Variants in MFAP3 observed in about 807,000 individuals in gnomAD.
MFAP3 encodes the protein microfibril associated protein 3, also known as microfibril-associated glycoprotein 3.
In MFAP3, 8 loss-of-function variants were observed where a neutral mutation model predicts 20.5. That is an observed-to-expected ratio of 0.39 (90% CI 0.23 to 0.70). The LOEUF (loss-of-function observed/expected upper bound fraction) is 0.70, where lower values mean the gene tolerates loss of function less well. Among genes scored for constraint, MFAP3 ranks in the 30% least tolerant of loss-of-function variants. The pLI, the probability that MFAP3 is intolerant of heterozygous loss-of-function variation, is 0.44. For synonymous variants in MFAP3, 140 were observed against 154.0 expected, an observed-to-expected ratio of 0.91 and a Z score of 0.67; for missense variants, 398 against 444.6, an observed-to-expected ratio of 0.90 and a Z score of 0.94.
chr5:154,049,889 C>T lies in MFAP3; in HGVS notation c.167C>T (p.Ser56Leu), dbSNP rs369113358. 2.1e-5 allele frequency: 34 copies of T among 1,613,654 alleles called. 1 individual carries two copies. In the Admixed American group the frequency reaches 4.7e-4, roughly 22 times the overall value. ...SSFELSASSH[S>L]DDDVIIAKEG... The stretch of plus-strand genomic sequence containing the variant: ...TTTGAACTCTCAGCAAGTTCCCACT[C>T]GGATGATGATGTCATCATAGCCAAA... Residue 56 changes from serine to leucine, a missense_variant, in exon 2 of 3, where the codon TCG (serine) becomes TTG (leucine). Coordinates refer to ENST00000522782, the MANE Select transcript of MFAP3 (RefSeq NM_005927.5).
chr5:154,042,946 C>T (rs56261598), intron 1 of MFAP3, among the ~76,000 whole-genome samples: 5,629 of 152,188 alleles, frequency 0.037, 270 homozygotes, highest in African/African-American at 0.1. Context: ...GTCACCAGAA[C>T]GGAAATCAGC....
chr5:154,040,946 C>T (rs1432118228), intron 1 of MFAP3, among the ~76,000 whole-genome samples: 3 of 152,098 alleles, frequency 2.0e-5, no homozygotes, highest in African/African-American at 4.8e-5. Flanking sequence ...ACTACCAAGT[C>T]GATGAGTGTC....
chr5:154,042,538 CACTA>C (rs997221807), intron 1 of MFAP3, among the ~76,000 whole-genome samples: 37 of 152,266 alleles, frequency 2.4e-4, no homozygotes, highest in African/African-American at 8.7e-4. Context: ...GTTTGAATGT[CACTA>C]ACCTTTTTTA....
intron 2 of MFAP3, 43 bp downstream of exon 2, chr5:154,050,060 G>C: frequency 6.5e-7 from 1 of 1,533,140 alleles, no homozygotes; most frequent in Non-Finnish European, 8.8e-7. Context: ...CTCATTTCCT[G>C]TTCTGTCTTC....
In MFAP3 at chr5:154,053,571, T is replaced by C; in HGVS notation, c.947T>C (p.Val316Ala). Reference sequence around the variant, plus strand: ...CAAGGCCAGGAAATAGCAGTTCAGGTTTCTGTCCACCTTCAGTCAGAAACC... The same window carrying C: ...CAAGGCCAGGAAATAGCAGTTCAGGCTTCTGTCCACCTTCAGTCAGAAACC... ...NEQGQEIAVQ[V>A]SVHLQSETKS... The change falls in exon 3 of 3, where the codon GTT becomes GCT. Residue 316 changes from valine to alanine, a missense_variant. By Grantham distance (64) the Val-to-Ala change is moderately conservative. Coordinates refer to ENST00000522782, the MANE Select transcript of MFAP3 (RefSeq NM_005927.5). 1 of 1,613,668 alleles carries C rather than the reference T, an allele frequency of 6.2e-7. No individual in the cohort carries two copies. Among genetic ancestry groups the C allele is most frequent in the Non-Finnish European group, 8.5e-7 (1 of 1,179,908 alleles).
At chr5:154,042,669 C>T (rs1055020813) in intron 1 of MFAP3, among the ~76,000 whole-genome samples, 10 of 152,146 alleles carry the variant, frequency 6.6e-5, no homozygotes, top group African/African-American at 2.2e-4. Context: ...TCCCCTTTGC[C>T]GATTCAGAAT....
At chr5:154,044,576 C>G (rs1773033263) in intron 1 of MFAP3, among the ~76,000 whole-genome samples, 1 of 152,192 alleles carries the variant, frequency 6.6e-6, no homozygotes, top group African/African-American at 2.4e-5. Flanking sequence ...TCTTGTGGCT[C>G]AAAATCAGTG....
chr5:154,039,441 C>G (rs1322317196), intron 1 of MFAP3: 1 of 152,218 alleles, frequency 6.6e-6, no homozygotes, highest in Non-Finnish European at 1.5e-5. Flanking sequence ...ATAGTGGGAA[C>G]AAACTTAGCA....
At chr5:154,050,914 C>G (rs1773176045) in intron 2 of MFAP3, among the ~76,000 whole-genome samples, 1 of 152,060 alleles carries the variant, frequency 6.6e-6, no homozygotes, top group African/African-American at 2.4e-5. Flanking sequence ...AAGATCCTCA[C>G]AAGCTACACT....
chr5:154,046,388 T>C (rs1773073173), intron 1 of MFAP3, among the ~76,000 whole-genome samples: 1 of 152,204 alleles, frequency 6.6e-6, no homozygotes, highest in East Asian at 1.9e-4. Context: ...TAAACTAATC[T>C]CCATCAATAT....
chr5:154,040,286 A>G (rs1375442456), intron 1 of MFAP3, among the ~76,000 whole-genome samples: 1 of 152,248 alleles, frequency 6.6e-6, no homozygotes, highest in East Asian at 1.9e-4. Flanking sequence ...TAAACTCATT[A>G]TATGTTAACA....
At chr5:154,049,007 C>T (rs1773121811) in intron 1 of MFAP3, among the ~76,000 whole-genome samples, 2 of 152,192 alleles carry the variant, frequency 1.3e-5, no homozygotes, top group Admixed American at 1.3e-4. Flanking sequence ...GTTAAAACAA[C>T]CCACCTCAGG....
At position 154,057,413 on chromosome 5, in the gene MFAP3, T is replaced by G. The variant is rs1773357419; in HGVS notation, c.*3700T>G. On this transcript the variant is annotated 3_prime_UTR_variant, in exon 3 of 3. Transcript: ENST00000522782. ...AAAGAAAGTCATACTTGAATATAAT[T>G]TATTAAACGTTCAATGGAGTATATA... Among the ~76,000 whole-genome samples the G allele has an allele frequency of 1.3e-5, 2 of 152,250 alleles. No individual in the cohort carries two copies. Among genetic ancestry groups the G allele is most frequent in the South Asian group, 4.1e-4 (2 of 4,834 alleles).
Position 154,049,998 on chromosome 5 carries a change from A to G in MFAP3, c.276A>G (p.Gln92=). The change falls in exon 2 of 3, where the codon CAA becomes CAG. Residue 92 remains glutamine (Q), a synonymous_variant. Coordinates refer to ENST00000522782, the MANE Select transcript of MFAP3 (RefSeq NM_005927.5). ...ATTGGCACAATTCAAAAGGACAGCA[A>G]CTGGATGGCAGAAGCAGAGGTAATT... ...DVHWHNSKGQ[Q]LDGRSRGGKW... 6.2e-7 allele frequency: 1 copy of G among 1,605,918 alleles called. No homozygotes were observed. Among genetic ancestry groups the G allele is most frequent in the Non-Finnish European group, 8.5e-7 (1 of 1,173,256 alleles).
rs768206640 is a variant in MFAP3 at position 154,049,856 on chromosome 5, C to G, written c.134C>G (p.Pro45Arg). 4 of 1,613,704 alleles carry G rather than the reference C, an allele frequency of 2.5e-6. No individual in the cohort carries two copies. The Admixed American group carries it at 5.0e-5, about 20-fold the overall frequency. Residue 45 changes from proline (P) to arginine (R), a missense_variant, in exon 2 of 3, where the codon CCC becomes CGC. Pro to Arg is a moderately radical substitution (Grantham distance 103, BLOSUM62 -2). Coordinates refer to ENST00000522782, the MANE Select transcript of MFAP3 (RefSeq NM_005927.5). ...ANRSSYNASFPSSFELSASSH... is the reference protein window; with the variant it reads ...ANRSSYNASFRSSFELSASSH... The stretch of plus-strand genomic sequence containing the variant: ...CGTAGTTCTTACAATGCATCCTTTC[C>G]CTCAAGCTTTGAACTCTCAGCAAGT...
rs1186753201 is a variant in MFAP3 at position 154,056,678 on chromosome 5, C to A, written c.*2965C>A. Among the ~76,000 whole-genome samples the A allele has an allele frequency of 6.6e-6, 1 of 152,102 alleles. No individual in the cohort carries two copies. The highest frequency in any genetic ancestry group is 2.4e-5 in the African/African-American group (1 of 41,410). The stretch of plus-strand genomic sequence containing the variant: ...TTTGTGAAATACATTCACCAAAAAT[C>A]AAAATTTGAACATCTTTATGATTCC... On this transcript the variant is annotated 3_prime_UTR_variant, in exon 3 of 3. Coordinates refer to ENST00000522782, the MANE Select transcript of MFAP3 (RefSeq NM_005927.5).
At chr5:154,048,285 T>C (rs1773109317) in intron 1 of MFAP3, among the ~76,000 whole-genome samples, 1 of 152,230 alleles carries the variant, frequency 6.6e-6, no homozygotes, top group South Asian at 2.1e-4. Context: ...TGAAGGTTTT[T>C]TATTTTACTC....
intron 2 of MFAP3, chr5:154,051,947 A>G (rs368265553): frequency 1.3e-5 from 2 of 152,152 alleles, no homozygotes; most frequent in Admixed American, 6.6e-5. Context: ...ACTGCAGGTT[A>G]GCCCATCCTT....
intron 1 of MFAP3, among the ~76,000 whole-genome samples, chr5:154,043,324 C>A (rs1773001506): frequency 6.6e-6 from 1 of 152,102 alleles, no homozygotes; most frequent in African/African-American, 2.4e-5. Context: ...CCGAGGCAGC[C>A]AGATCACCTG....
Sources: allele counts gnomAD v4.1 joint callset (sites outside exome capture counted in the v4.1 genomes callset), GRCh38; gene constraint gnomAD v4.1.1; transcripts MANE v1.5; gene names NCBI Gene and HGNC (gene_info 2026-07-23, HGNC 2026-07-21).